IQGAP2: variants seen among roughly 807,000 people sequenced by gnomAD.
The protein encoded by IQGAP2 is IQ motif containing GTPase activating protein 2, also known as ras GTPase-activating-like protein IQGAP2.
Under a neutral mutation model 201.3 loss-of-function variants are expected in IQGAP2, and 173 were observed. The ratio of observed to expected loss-of-function variants is 0.86; its 90% CI spans 0.76 to 0.98. IQGAP2 has a LOEUF of 0.98. Ranked by LOEUF, IQGAP2 falls within the 50% of genes least tolerant of loss-of-function variation. IQGAP2 has a pLI of 0.00. For synonymous variants in IQGAP2, 675 were observed against 673.9 expected (o/e 1.00, Z -0.03); for missense variants, 1,687 against 1,864.8 (o/e 0.90, Z 1.76).
intron 4 of IQGAP2, among the ~76,000 whole-genome samples, chr5:76,574,163 A>C (rs572587683): frequency 3.9e-5 from 6 of 152,294 alleles, no homozygotes; most frequent in Admixed American, 3.3e-4. Context: ...AGTTTTTATA[A>C]AATATTTACT....
intron 5 of IQGAP2, among the ~76,000 whole-genome samples, chr5:76,578,224 A>C (rs986378433): frequency 1.3e-5 from 2 of 152,124 alleles, no homozygotes; most frequent in East Asian, 3.9e-4. Flanking sequence ...TGGTGTTCTC[A>C]AGCCAGACTC....
chr5:76,517,567 T>A (rs1249765942), intron 2 of IQGAP2, among the ~76,000 whole-genome samples: 1 of 147,010 alleles, frequency 6.8e-6, no homozygotes, highest in South Asian at 2.1e-4. Flanking sequence ...AATGTGCCAC[T>A]GCACACTAGC....
rs936735296 is a variant in IQGAP2 at position 76,553,052 on chromosome 5, T to C, written c.147-9344T>C. Among the ~76,000 whole-genome samples, 45 of 152,232 alleles carry C rather than the reference T, an allele frequency of 3.0e-4. 1 individual carries two copies. The highest frequency in any genetic ancestry group is 4.9e-4 in the Non-Finnish European group (33 of 68,032). On this transcript the variant is annotated intron_variant, in intron 2 of 35. Transcript: ENST00000274364. ...TGAGAGAAAGATAGGGGCCCGTAGA[T>C]GCCCACTTTAGTTTTGCAGGGTGGG...
In IQGAP2 at chr5:76,677,516, T is replaced by G. The variant is rs1003701134; in HGVS notation, c.3660+166T>G. The G allele has an allele frequency of 8.5e-6, 4 of 469,702 alleles. No homozygotes were observed. The Admixed American group carries it at 1.3e-4, about 15-fold the overall frequency. The allele number at this position is 469,702 out of a possible 1,614,324, so 29.1% of individuals were successfully genotyped here. ...TTATTCCATGACTCTTATACATTAATAAAACTCCTTCTCCCAAACAACAAA... is the reference window on the plus strand; with the variant it reads ...TTATTCCATGACTCTTATACATTAAGAAAACTCCTTCTCCCAAACAACAAA... On this transcript the variant is annotated intron_variant, in intron 28 of 35. Transcript: ENST00000274364.
At chr5:76,405,327 C>T (rs970024972) in intron 1 of IQGAP2, among the ~76,000 whole-genome samples, 2 of 152,164 alleles carry the variant, frequency 1.3e-5, no homozygotes, top group African/African-American at 2.4e-5. Flanking sequence ...TCCACAGGGC[C>T]GCTTTCTTTG....
Position 76,654,198 on chromosome 5 carries a change from A to C in IQGAP2, c.2179-2A>C, listed in dbSNP as rs766526494. Reference sequence around the variant, plus strand: ...ACTTTTCTATTTTTTAAAACCTTTCAGATTCAGTCCTGGTTCCGAATGGCA... The same window carrying C: ...ACTTTTCTATTTTTTAAAACCTTTCCGATTCAGTCCTGGTTCCGAATGGCA... On this transcript the variant is annotated splice_acceptor_variant, in intron 18 of 35. Coordinates refer to ENST00000274364, the MANE Select transcript of IQGAP2 (RefSeq NM_006633.5). LOFTEE classifies it high-confidence loss of function. The C allele has an allele frequency of 2.5e-6, 4 of 1,598,874 alleles. No individual in the cohort carries two copies. In the Admixed American group the frequency reaches 6.8e-5, roughly 27 times the overall value.
intron 1 of IQGAP2, among the ~76,000 whole-genome samples, chr5:76,414,750 T>C (rs1269453098): frequency 6.6e-6 from 1 of 152,232 alleles, no homozygotes; most frequent in African/African-American, 2.4e-5. Flanking sequence ...GCACTGATTC[T>C]GGTGATAGTC....
chr5:76,447,944 C>T (rs1335697004), intron 1 of IQGAP2, among the ~76,000 whole-genome samples: 1 of 152,180 alleles, frequency 6.6e-6, no homozygotes, highest in Non-Finnish European at 1.5e-5. Flanking sequence ...TATTCCTTTT[C>T]ACCCCTTGTT....
intron 24 of IQGAP2, among the ~76,000 whole-genome samples, chr5:76,672,804 G>T (rs369381584): frequency 1.3e-5 from 2 of 150,698 alleles, no homozygotes; most frequent in Admixed American, 1.3e-4. Flanking sequence ...ATGCACTAAG[G>T]TATGAAAATT....
intron 1 of IQGAP2, among the ~76,000 whole-genome samples, chr5:76,414,439 A>G (rs962818131): frequency 6.6e-6 from 1 of 152,194 alleles, no homozygotes; most frequent in Non-Finnish European, 1.5e-5. Flanking sequence ...GTAGTTATAG[A>G]GCTAATACAA....
At chr5:76,458,838 G>C (rs563406351) in intron 1 of IQGAP2, among the ~76,000 whole-genome samples, 1 of 152,142 alleles carries the variant, frequency 6.6e-6, no homozygotes, top group Admixed American at 6.5e-5. Flanking sequence ...AGATATTTTG[G>C]AGCCCTTTGG....
intron 2 of IQGAP2, among the ~76,000 whole-genome samples, chr5:76,500,311 G>T (rs758555159): frequency 2.0e-5 from 3 of 152,170 alleles, no homozygotes; most frequent in Non-Finnish European, 4.4e-5. Flanking sequence ...AGGGACCTAA[G>T]AAACGGAGAT....
chr5:76,672,045 T>A, intron 24 of IQGAP2, 62 bp downstream of exon 24: 1 of 1,248,210 alleles, frequency 8.0e-7, no homozygotes, highest in Non-Finnish European at 1.1e-6. Flanking sequence ...ACATGTGTAT[T>A]TATTGATACT....
At chr5:76,519,126 A>T (rs959305561) in intron 2 of IQGAP2, among the ~76,000 whole-genome samples, 14 of 152,156 alleles carry the variant, frequency 9.2e-5, no homozygotes, top group African/African-American at 3.1e-4. Flanking sequence ...ACAAGTTTTA[A>T]CTTATATATT....
intron 14 of IQGAP2, among the ~76,000 whole-genome samples, chr5:76,630,992 G>A (rs1750654015): frequency 6.6e-6 from 1 of 152,128 alleles, no homozygotes; most frequent in Non-Finnish European, 1.5e-5. Flanking sequence ...ACAACGAATT[G>A]TAATTTAATA....
rs1753748394 is a variant in IQGAP2, at chr5:76,451,571, AAAAATACGGT to A, written c.47-9994_47-9985del. On this transcript the variant is annotated intron_variant, in intron 1 of 35. Coordinates refer to ENST00000274364, the MANE Select transcript of IQGAP2 (RefSeq NM_006633.5). ...CTGCCTTTGAACTTCTGTGATTTTT[AAAAATACGGT>A]AAAACTGACTAAATATTCATTGTAC... 2.6e-5 allele frequency among the ~76,000 whole-genome samples: 4 copies of A among 152,326 alleles called. No individual in the cohort carries two copies. In the South Asian group the frequency reaches 8.3e-4, roughly 32 times the overall value.
At position 76,532,070 on chromosome 5, in the gene IQGAP2, T is replaced by C. The variant is rs77574310; in HGVS notation, c.147-30326T>C. Among the ~76,000 whole-genome samples, 579 of 152,342 alleles carry C rather than the reference T, an allele frequency of 3.8e-3. 4 individuals are homozygous for C. Among genetic ancestry groups the C allele is most frequent in the Non-Finnish European group, 6.0e-3 (410 of 68,030 alleles). ...CAGGCCATATCTCCTAATACTGTCA[T>C]ATTCTGGGTTAAGATTTTAGCATAG... On this transcript the variant is annotated intron_variant, in intron 2 of 35. Transcript: ENST00000274364.
chr5:76,599,754 A>G (rs1413403984), intron 10 of IQGAP2, among the ~76,000 whole-genome samples: 1 of 152,234 alleles, frequency 6.6e-6, no homozygotes, highest in Non-Finnish European at 1.5e-5. Context: ...TATGTTATAT[A>G]TTAAATACCT....
At chr5:76,569,929 A>AAG (rs748533050) in intron 3 of IQGAP2, among the ~76,000 whole-genome samples, 13 of 152,216 alleles carry the variant, frequency 8.5e-5, no homozygotes, top group Non-Finnish European at 1.5e-4. Flanking sequence ...GAAGAAATGG[A>AAG]AGATACACAA....
Sources: allele counts gnomAD v4.1 joint callset (sites outside exome capture counted in the v4.1 genomes callset), GRCh38; gene constraint gnomAD v4.1.1; transcripts MANE v1.5; gene names NCBI Gene and HGNC (gene_info 2026-07-23, HGNC 2026-07-21).